Variants in EGFLAM observed in about 807,000 individuals in gnomAD.
EGFLAM encodes the protein pikachurin.
Under a neutral mutation model 113.1 loss-of-function variants are expected in EGFLAM, and 79 were observed. The observed-to-expected ratio is 0.70, with a 90% CI of 0.58 to 0.84. EGFLAM has a LOEUF of 0.84. Among genes scored for constraint, EGFLAM ranks in the 40% least tolerant of loss-of-function variants. The pLI is 0.00. For missense variants in EGFLAM, 1,265 were observed against 1,291.6 expected (o/e 0.98, Z 0.32); for synonymous variants, 504 against 487.6 (o/e 1.03, Z -0.44).
At chr5:38,411,654 T>G (rs576950081) in intron 10 of EGFLAM, among the ~76,000 whole-genome samples, 3 of 151,710 alleles carry the variant, frequency 2.0e-5, no homozygotes, top group African/African-American at 7.2e-5. Context: ...AGTTAACTTT[T>G]GTATTTTTAG....
chr5:38,370,605 C>A, intron 6 of EGFLAM, 143 bp downstream of exon 6: 2 of 1,111,112 alleles, frequency 1.8e-6, no homozygotes, highest in Non-Finnish European at 2.5e-6. Flanking sequence ...GTTTTCCCAG[C>A]CCTTTGGAAG....
intron 20 of EGFLAM, among the ~76,000 whole-genome samples, chr5:38,462,430 C>T (rs540915499): frequency 6.6e-6 from 1 of 152,178 alleles, no homozygotes; most frequent in South Asian, 2.1e-4. Context: ...TTCCCAGCCC[C>T]AGTGTTCTGT....
At chr5:38,327,587 C>T (rs1738924117) in intron 1 of EGFLAM, among the ~76,000 whole-genome samples, 1 of 152,160 alleles carries the variant, frequency 6.6e-6, no homozygotes, top group Admixed American at 6.5e-5. Context: ...TAATTTGCCA[C>T]AGTGTCATAC....
intron 19 of EGFLAM, 89 bp from the exon 20 acceptor site, chr5:38,458,221 CT>C: frequency 8.2e-6 from 10 of 1,225,416 alleles, no homozygotes; most frequent in Non-Finnish European, 1.1e-5. Flanking sequence ...TTGCAAAGAA[CT>C]TTTGCCCTGA....
intron 1 of EGFLAM, among the ~76,000 whole-genome samples, chr5:38,307,575 C>T (rs1161055293): frequency 6.6e-6 from 1 of 152,224 alleles, no homozygotes; most frequent in Non-Finnish European, 1.5e-5. Context: ...TTATAAATTA[C>T]CCAGTCTCAG....
At chr5:38,372,228 C>T (rs1285293275) in intron 6 of EGFLAM, among the ~76,000 whole-genome samples, 1 of 151,906 alleles carries the variant, frequency 6.6e-6, no homozygotes, top group African/African-American at 2.4e-5. Context: ...CTGCAACCTC[C>T]GCCTCCCAGG....
chr5:38,367,621 A>G (rs532477470), intron 5 of EGFLAM, among the ~76,000 whole-genome samples: 131 of 152,144 alleles, frequency 8.6e-4, no homozygotes, highest in African/African-American at 3.1e-3. Context: ...TGGCCTTTTC[A>G]TTGTTGAATA....
chr5:38,287,348 A>G (rs1758191905), intron 1 of EGFLAM, among the ~76,000 whole-genome samples: 1 of 152,186 alleles, frequency 6.6e-6, no homozygotes, highest in African/African-American at 2.4e-5. Context: ...CCTAGTTGGC[A>G]GTAGGTTCAA....
chr5:38,297,058 A>G (rs1014135458), intron 1 of EGFLAM, among the ~76,000 whole-genome samples: 5 of 152,240 alleles, frequency 3.3e-5, no homozygotes, highest in Non-Finnish European at 7.3e-5. Flanking sequence ...ATTGTTACAG[A>G]TCGGGGGAGA....
At chr5:38,322,628 G>A (rs1418487737) in intron 1 of EGFLAM, among the ~76,000 whole-genome samples, 4 of 152,092 alleles carry the variant, frequency 2.6e-5, no homozygotes, top group Admixed American at 1.3e-4. Flanking sequence ...TGAGGAAACC[G>A]AAGCACTCCA....
intron 10 of EGFLAM, among the ~76,000 whole-genome samples, chr5:38,411,211 C>T (rs1164822103): frequency 1.3e-5 from 2 of 152,052 alleles, no homozygotes; most frequent in African/African-American, 4.8e-5. Flanking sequence ...GGGCGGATCA[C>T]GAGGTCAGGA....
intron 1 of EGFLAM, among the ~76,000 whole-genome samples, chr5:38,332,064 G>C (rs1739056945): frequency 6.6e-6 from 1 of 152,126 alleles, no homozygotes; most frequent in Non-Finnish European, 1.5e-5. Context: ...GAGTCCTGTT[G>C]CTCCACATCC....
intron 14 of EGFLAM, among the ~76,000 whole-genome samples, chr5:38,429,708 G>A (rs1000517421): frequency 1.3e-4 from 20 of 151,942 alleles, no homozygotes; most frequent in Non-Finnish European, 2.9e-5. Context: ...ATTTTATTAT[G>A]AAAAATTTCA....
chr5:38,418,558 C>G (rs1458943970), intron 12 of EGFLAM, among the ~76,000 whole-genome samples: 1 of 152,208 alleles, frequency 6.6e-6, no homozygotes, highest in Non-Finnish European at 1.5e-5. Context: ...GACAAAGCAA[C>G]AAGCGATCCA....
At chr5:38,359,144 G>A (rs901218357) in intron 5 of EGFLAM, among the ~76,000 whole-genome samples, 11 of 152,134 alleles carry the variant, frequency 7.2e-5, no homozygotes, top group Non-Finnish European at 1.3e-4. Flanking sequence ...TATATAGTAT[G>A]GTGGCAATGA....
chr5:38,280,092 A>T (rs1294756006), intron 1 of EGFLAM, among the ~76,000 whole-genome samples: 1 of 152,248 alleles, frequency 6.6e-6, no homozygotes, highest in African/African-American at 2.4e-5. Flanking sequence ...TAAAGCCAGT[A>T]TAGATTTTGC....
chr5:38,401,833 C>A (rs530584103), intron 6 of EGFLAM: 1 of 152,178 alleles, frequency 6.6e-6, no homozygotes, highest in Non-Finnish European at 1.5e-5. Flanking sequence ...CCATCTTACA[C>A]GTGTGTTGAC....
At chr5:38,304,514 T>C (rs962733484) in intron 1 of EGFLAM, among the ~76,000 whole-genome samples, 1 of 152,216 alleles carries the variant, frequency 6.6e-6, no homozygotes, top group Admixed American at 6.5e-5. Context: ...AGGTCAGACT[T>C]GTTCCTTTAG....
At chr5:38,411,445 A>G (rs535800710) in intron 10 of EGFLAM, among the ~76,000 whole-genome samples, 4 of 152,070 alleles carry the variant, frequency 2.6e-5, no homozygotes, top group Middle Eastern at 6.8e-3. Flanking sequence ...AAGAAAAGAA[A>G]ACGGGAATGC....
Sources: allele counts gnomAD v4.1 joint callset (sites outside exome capture counted in the v4.1 genomes callset), GRCh38; gene constraint gnomAD v4.1.1; transcripts MANE v1.5; gene names NCBI Gene and HGNC (gene_info 2026-07-23, HGNC 2026-07-21).